Variants in TRABD2A observed in about 807,000 individuals in gnomAD.
The protein encoded by TRABD2A is TraB domain containing 2A.
Under a neutral mutation model 45.6 loss-of-function variants are expected in TRABD2A, and 43 were observed. That is an observed-to-expected ratio of 0.94 (90% CI 0.74 to 1.22). The LOEUF (loss-of-function observed/expected upper bound fraction) is 1.22. Ranked by LOEUF, TRABD2A falls within the 50% of genes most tolerant of loss-of-function variation. TRABD2A has a pLI of 0.00. For synonymous variants in TRABD2A, 269 were observed against 265.0 expected, an observed-to-expected ratio of 1.02 and a Z score of -0.15; for missense variants, 642 against 652.4, an observed-to-expected ratio of 0.98 and a Z score of 0.17.
chr2:84,876,398 G>A (rs80096222), intron 1 of TRABD2A, among the ~76,000 whole-genome samples: 1 of 152,226 alleles, frequency 6.6e-6, no homozygotes, highest in Non-Finnish European at 1.5e-5. Flanking sequence ...GGCCAGCAAG[G>A]TTGCTGGGAA....
intron 4 of TRABD2A, 37 bp downstream of exon 4, chr2:84,839,112 G>C (rs778944808): frequency 1.2e-6 from 2 of 1,608,662 alleles, no homozygotes; most frequent in South Asian, 2.2e-5. Flanking sequence ...AGAAGCCTCA[G>C]ATTTCAGAGG....
chr2:84,844,465 G>C (rs1300314378), intron 2 of TRABD2A, among the ~76,000 whole-genome samples: 1 of 152,110 alleles, frequency 6.6e-6, no homozygotes, highest in East Asian at 1.9e-4. Context: ...TTCCTTTACA[G>C]ATTACCCAGT....
chr2:84,845,213 T>C lies in TRABD2A; in HGVS notation c.670-3206A>G, dbSNP rs557648528. 2.6e-5 allele frequency among the ~76,000 whole-genome samples: 4 copies of C among 152,286 alleles called. No individual in the cohort carries two copies. In the South Asian group the frequency reaches 8.3e-4, roughly 32 times the overall value. ...TAAAAATACAAAAATTAGCCAGGCATGGTGGCAGGTGCCTGTAATCCCAGC... is the reference window on the plus strand; with the variant it reads ...TAAAAATACAAAAATTAGCCAGGCACGGTGGCAGGTGCCTGTAATCCCAGC... On this transcript the variant is annotated intron_variant, in intron 2 of 6. Transcript: ENST00000409520.
At chr2:84,868,266 A>G (rs1259309719) in intron 2 of TRABD2A, among the ~76,000 whole-genome samples, 1 of 152,158 alleles carries the variant, frequency 6.6e-6, no homozygotes, top group Non-Finnish European at 1.5e-5. Context: ...ATAAAAAAGG[A>G]TGAGTTCATG....
At chr2:84,868,148 T>A (rs1682744017) in intron 2 of TRABD2A, among the ~76,000 whole-genome samples, 1 of 152,184 alleles carries the variant, frequency 6.6e-6, no homozygotes, top group Non-Finnish European at 1.5e-5. Flanking sequence ...ATGTTTATTG[T>A]GGCACTATCC....
chr2:84,861,803 C>T (rs566680591), intron 2 of TRABD2A, among the ~76,000 whole-genome samples: 3 of 152,328 alleles, frequency 2.0e-5, no homozygotes, highest in Admixed American at 2.0e-4. Context: ...AAAGCACCCG[C>T]AAGAGCAGAA....
intron 2 of TRABD2A, among the ~76,000 whole-genome samples, chr2:84,865,017 G>A (rs1682630346): frequency 6.6e-6 from 1 of 152,188 alleles, no homozygotes; most frequent in Admixed American, 6.5e-5. Context: ...TGGGGAGTGG[G>A]CTGCCTCAAC....
intron 2 of TRABD2A, among the ~76,000 whole-genome samples, chr2:84,856,379 A>T (rs890617): frequency 1.6e-4 from 24 of 151,946 alleles, no homozygotes; most frequent in African/African-American, 5.6e-4. Flanking sequence ...CAAACCAAGG[A>T]GGTGATGAAA....
chr2:84,877,462 G>A lies in TRABD2A; in HGVS notation c.108+3470C>T, dbSNP rs78701034. Among the ~76,000 whole-genome samples the A allele has an allele frequency of 3.8e-3, 580 of 152,268 alleles. 1 individual carries two copies. The highest frequency in any genetic ancestry group is 6.1e-3 in the Non-Finnish European group (412 of 68,016). ...CTGTTCCCAGAAGGAAAAGACAACC[G>A]GGCATGGTGGCTCATGCCTGTAATC... On this transcript the variant is annotated intron_variant, in intron 1 of 6. Coordinates refer to ENST00000409520, the MANE Select transcript of TRABD2A (RefSeq NM_001277053.2).
intron 1 of TRABD2A, among the ~76,000 whole-genome samples, chr2:84,879,248 A>G (rs1683127557): frequency 1.3e-5 from 2 of 151,764 alleles, no homozygotes; most frequent in East Asian, 3.9e-4. Flanking sequence ...CAGTGGCACA[A>G]TCACACCTCA....
intron 2 of TRABD2A, among the ~76,000 whole-genome samples, chr2:84,842,984 G>A (rs1681761980): frequency 6.6e-6 from 1 of 151,422 alleles, no homozygotes; most frequent in Admixed American, 6.6e-5. Context: ...GTGTCCAGGA[G>A]AATTCATTTT....
chr2:84,859,361 C>G (rs115023680), intron 2 of TRABD2A, among the ~76,000 whole-genome samples: 2,509 of 152,296 alleles, frequency 0.016, 58 homozygotes, highest in African/African-American at 0.058. Context: ...GTGCAAGGCA[C>G]TATGCTAGAC....
At chr2:84,868,612 A>C (rs974895466) in intron 2 of TRABD2A, among the ~76,000 whole-genome samples, 4 of 152,210 alleles carry the variant, frequency 2.6e-5, no homozygotes, top group African/African-American at 9.6e-5. Flanking sequence ...TGGCGCATGT[A>C]TATATATGTA....
chr2:84,870,263 C>G lies in TRABD2A; in HGVS notation c.631G>C (p.Glu211Gln). The G allele has an allele frequency of 6.2e-7, 1 of 1,613,884 alleles. No homozygotes were observed. Among genetic ancestry groups the G allele is most frequent in the Non-Finnish European group, 8.5e-7 (1 of 1,179,836 alleles). Residue 211 changes from glutamate (E) to glutamine (Q), a missense_variant, in exon 2 of 7, where the codon GAG becomes CAG. Glu to Gln is a conservative substitution (Grantham distance 29). Transcript: ENST00000409520. Reference protein sequence around the residue: ...KQTGAVEKVEEQCHPLNGLNF... With the variant: ...KQTGAVEKVEQQCHPLNGLNF... ...AACCCATTCAATGGATGGCACTGCT[C>G]TTCCACCTTTTCCACTGCCCCAGTC...
In TRABD2A at chr2:84,823,943, C is replaced by T. The variant is rs1301889886; in HGVS notation, c.1334+10G>A. 6.2e-7 allele frequency: 1 copy of T among 1,613,134 alleles called. No homozygotes were observed. Among genetic ancestry groups the T allele is most frequent in the Non-Finnish European group, 8.5e-7 (1 of 1,179,812 alleles). On this transcript the variant is annotated intron_variant, in intron 6 of 6. Coordinates refer to ENST00000409520, the MANE Select transcript of TRABD2A (RefSeq NM_001277053.2). ...GTGGATGCCAACCCGACCCAGCCTA[C>T]TCGCCTGACCTCTCCTCCAGGCGGA...
At chr2:84,858,975 A>T (rs961451290) in intron 2 of TRABD2A, among the ~76,000 whole-genome samples, 6 of 152,170 alleles carry the variant, frequency 3.9e-5, no homozygotes, top group African/African-American at 9.7e-5. Flanking sequence ...GAAATAAAAA[A>T]TTTTTTAAAA....
In TRABD2A at chr2:84,879,619, G is replaced by A. The variant is rs144957633; in HGVS notation, c.108+1313C>T. 113 of 985,330 alleles carry A rather than the reference G, an allele frequency of 1.1e-4. No individual in the cohort carries two copies. In the Middle Eastern group the frequency reaches 4.7e-3, roughly 41 times the overall value. 61.0% of individuals were successfully genotyped at this position (985,330 alleles called of 1,614,324 possible). On this transcript the variant is annotated intron_variant, in intron 1 of 6. Coordinates refer to ENST00000409520, the MANE Select transcript of TRABD2A (RefSeq NM_001277053.2). ...CGTCATAATTACCAGTCGGTAATAGGTTTTGCAGAAGTGAAAGGCAATGTG... is the reference window on the plus strand; with the variant it reads ...CGTCATAATTACCAGTCGGTAATAGATTTTGCAGAAGTGAAAGGCAATGTG...
At chr2:84,832,213 C>T in intron 4 of TRABD2A, 68 bp from the exon 5 acceptor site, 5 of 1,516,338 alleles carry the variant, frequency 3.3e-6, no homozygotes, top group Non-Finnish European at 4.6e-6. Context: ...CCCAAACACA[C>T]ACCCTAGAAC....
chr2:84,866,318 A>G (rs1228059053), intron 2 of TRABD2A, among the ~76,000 whole-genome samples: 1 of 152,210 alleles, frequency 6.6e-6, no homozygotes, highest in African/African-American at 2.4e-5. Flanking sequence ...TGTTCTCCAT[A>G]TGGTATTTCT....
Sources: allele counts gnomAD v4.1 joint callset (sites outside exome capture counted in the v4.1 genomes callset), GRCh38; gene constraint gnomAD v4.1.1; transcripts MANE v1.5; gene names NCBI Gene and HGNC (gene_info 2026-07-23, HGNC 2026-07-21).